The following DLGAP2 variants were observed in gnomAD, a reference collection of about 807,000 sequenced individuals.
The protein encoded by DLGAP2 is DLG associated protein 2, also known as disks large-associated protein 2.
A neutral mutation model predicts 100.3 loss-of-function variants in DLGAP2; 26 were observed. That is an observed-to-expected ratio of 0.26 (90% CI 0.19 to 0.36). DLGAP2 has a LOEUF of 0.36. Among genes scored for constraint, DLGAP2 ranks in the 10% least tolerant of loss-of-function variants. The pLI is 1.00. For synonymous variants in DLGAP2, 886 were observed against 630.1 expected, an observed-to-expected ratio of 1.41 and a Z score of -6.08; for missense variants, 1,858 against 1,453.2, an observed-to-expected ratio of 1.28 and a Z score of -4.53.
At chr8:889,770 G>A (rs905629539) in intron 1 of DLGAP2, among the ~76,000 whole-genome samples, 8 of 152,224 alleles carry the variant, frequency 5.3e-5, no homozygotes, top group South Asian at 2.1e-4. Flanking sequence ...ACAGCAGGCC[G>A]CTGCAGCCAG....
intron 3 of DLGAP2, among the ~76,000 whole-genome samples, chr8:1,464,735 C>T (rs1798574479): frequency 6.6e-6 from 1 of 152,174 alleles, no homozygotes; most frequent in African/African-American, 2.4e-5. Flanking sequence ...ACCTTGGGGG[C>T]CAGAAGGGCT....
chr8:1,666,452 C>T (rs1042990857), intron 8 of DLGAP2, among the ~76,000 whole-genome samples: 2 of 152,108 alleles, frequency 1.3e-5, no homozygotes, highest in African/African-American at 4.8e-5. Context: ...GTGGGTGGAT[C>T]ATCTGAGGTC....
chr8:842,369 T>A (rs1796998697), intron 1 of DLGAP2, among the ~76,000 whole-genome samples: 1 of 152,246 alleles, frequency 6.6e-6, no homozygotes, highest in Non-Finnish European at 1.5e-5. Flanking sequence ...TGGCATATCT[T>A]AAAGATGTTA....
At chr8:999,540 G>A (rs140746065) in intron 2 of DLGAP2, among the ~76,000 whole-genome samples, 6 of 150,438 alleles carry the variant, frequency 4.0e-5, no homozygotes, top group African/African-American at 1.5e-4. Context: ...GTGCAGTGGT[G>A]CAATCTCGGC....
intron 2 of DLGAP2, among the ~76,000 whole-genome samples, chr8:1,232,005 C>T (rs1194826517): frequency 1.3e-5 from 2 of 152,130 alleles, no homozygotes; most frequent in African/African-American, 2.4e-5. Context: ...ATAATAAATG[C>T]CAGTAGCCAA....
At chr8:1,361,999 T>A (rs975908600) in intron 3 of DLGAP2, among the ~76,000 whole-genome samples, 3 of 152,018 alleles carry the variant, frequency 2.0e-5, no homozygotes, top group African/African-American at 7.3e-5. Context: ...GCTGCAGAGG[T>A]GGAATGGCCC....
intron 14 of DLGAP2, among the ~76,000 whole-genome samples, chr8:1,700,274 A>G (rs1023902275): frequency 3.3e-5 from 5 of 152,204 alleles, no homozygotes; most frequent in Non-Finnish European, 5.9e-5. Context: ...CCAAAACTAG[A>G]TATCTGCTTA....
At chr8:1,298,742 C>G (rs758202260) in intron 3 of DLGAP2, among the ~76,000 whole-genome samples, 5 of 152,336 alleles carry the variant, frequency 3.3e-5, no homozygotes, top group Non-Finnish European at 5.9e-5. Flanking sequence ...AAGGGCAAGA[C>G]AATCCCTTAT....
At chr8:1,526,304 C>G (rs1800790444) in intron 4 of DLGAP2, among the ~76,000 whole-genome samples, 1 of 151,962 alleles carries the variant, frequency 6.6e-6, no homozygotes, top group Admixed American at 6.5e-5. Context: ...CTGCGTTAAC[C>G]TTCCTACCTC....
intron 2 of DLGAP2, among the ~76,000 whole-genome samples, chr8:1,133,943 C>G (rs1315234322): frequency 6.6e-6 from 1 of 151,752 alleles, no homozygotes; most frequent in African/African-American, 2.4e-5. Context: ...GTTTCCTTAT[C>G]CAGATATTAA....
At chr8:845,192 T>C (rs1293813801) in intron 1 of DLGAP2, among the ~76,000 whole-genome samples, 1 of 152,198 alleles carries the variant, frequency 6.6e-6, no homozygotes, top group East Asian at 1.9e-4. Context: ...AGGAGTGGAA[T>C]TGTTTGAACA....
At chr8:1,525,950 C>T (rs1437504946) in intron 4 of DLGAP2, among the ~76,000 whole-genome samples, 3 of 152,052 alleles carry the variant, frequency 2.0e-5, no homozygotes, top group Admixed American at 1.3e-4. Context: ...TGGCATTAGA[C>T]GTGTTTCAGA....
chr8:1,444,002 T>A (rs1797912175), intron 3 of DLGAP2, among the ~76,000 whole-genome samples: 1 of 152,186 alleles, frequency 6.6e-6, no homozygotes, highest in Non-Finnish European at 1.5e-5. Context: ...GCATGCCAAT[T>A]ATGAGTTTTC....
At position 1,676,421 on chromosome 8, in the gene DLGAP2, T is replaced by G. The variant is rs551013637; in HGVS notation, c.2203-112T>G. 5.3e-6 allele frequency: 6 copies of G among 1,141,002 alleles called. No individual in the cohort carries two copies. In the East Asian group the frequency reaches 1.5e-4, roughly 29 times the overall value. 70.7% of individuals were successfully genotyped at this position (1,141,002 alleles called of 1,614,324 possible). A position where few individuals can be genotyped will look rare whatever the true frequency, so the allele number is the denominator to read the frequency against. On this transcript the variant is annotated intron_variant, in intron 10 of 14. Coordinates refer to ENST00000637795, the MANE Select transcript of DLGAP2 (RefSeq NM_001346810.2). ...TTACTGGGTCAAGTGCACCGCTGCA[T>G]TAATTAAACAAATGCGTAATTAATT...
intron 2 of DLGAP2, among the ~76,000 whole-genome samples, chr8:1,195,174 C>T (rs1047395955): frequency 3.3e-5 from 5 of 152,222 alleles, no homozygotes. Context: ...TCTGAAGAGA[C>T]GAGGGTGTCA....
intron 1 of DLGAP2, among the ~76,000 whole-genome samples, chr8:767,160 C>CCACATCCACGGCTCCGCTTCTTCCTG (rs1821235142): frequency 6.6e-6 from 1 of 152,068 alleles, no homozygotes; most frequent in Admixed American, 6.6e-5. Context: ...TCTGCTGGGG[C>CCACATCCACGGCTCCGCTTCTTCCTG]CACATCCACG....
chr8:807,615 T>C (rs2132665420), intron 1 of DLGAP2, among the ~76,000 whole-genome samples: 1 of 150,968 alleles, frequency 6.6e-6, no homozygotes, highest in Non-Finnish European at 1.5e-5. Flanking sequence ...ATTCATATGT[T>C]CTCTCTCCTC....
intron 2 of DLGAP2, among the ~76,000 whole-genome samples, chr8:962,556 T>C (rs1799751178): frequency 6.6e-6 from 1 of 152,060 alleles, no homozygotes; most frequent in African/African-American, 2.4e-5. Context: ...GCCTGACCTG[T>C]GCTCCCAGAG....
At chr8:1,314,693 C>G (rs1020558497) in intron 3 of DLGAP2, among the ~76,000 whole-genome samples, 6 of 152,298 alleles carry the variant, frequency 3.9e-5, no homozygotes, top group Admixed American at 3.9e-4. Context: ...CTGGGGGCCC[C>G]TCTCCCACCC....
Sources: gnomAD v4.1 joint callset for allele counts (sites outside exome capture counted in the v4.1 genomes callset) on GRCh38, gnomAD v4.1.1 for gene constraint, MANE v1.5 for transcripts, NCBI Gene and HGNC (gene_info 2026-07-23, HGNC 2026-07-21) for gene names.